The following INTS4 variants were observed in gnomAD, a reference collection of about 807,000 sequenced individuals.
The protein encoded by INTS4 is MSTP093.
In INTS4, 70 loss-of-function variants were observed where a neutral mutation model predicts 119.5. That is an observed-to-expected ratio of 0.59 (90% confidence interval 0.48 to 0.71). The LOEUF (loss-of-function observed/expected upper bound fraction) is 0.71, where lower values mean the gene tolerates loss of function less well. Ranked by LOEUF, INTS4 falls within the 30% of genes least tolerant of loss-of-function variation. The pLI, the probability that INTS4 is intolerant of heterozygous loss-of-function variation, is 0.00. For synonymous variants in INTS4, 316 were observed against 419.6 expected, an observed-to-expected ratio of 0.75 and a Z score of 3.02; for missense variants, 867 against 1,173.2, an observed-to-expected ratio of 0.74 and a Z score of 3.81.
intron 22 of INTS4, 29 bp from the exon 23 acceptor site, chr11:77,879,156 T>C (rs1302888326): frequency 6.2e-7 from 1 of 1,610,876 alleles, no homozygotes; most frequent in Non-Finnish European, 8.5e-7. Flanking sequence ...AAATCCTCTA[T>C]AACTAGGCAA....
intron 1 of INTS4, 22 bp from the exon 2 acceptor site, chr11:77,991,321 GA>G (rs1565297236): frequency 1.3e-6 from 2 of 1,580,132 alleles, no homozygotes; most frequent in Non-Finnish European, 1.7e-6. Flanking sequence ...AGAGAAAATC[GA>G]AAACACAGAA....
chr11:77,877,777 C>T (rs1304622810), downstream of INTS4, among the ~76,000 whole-genome samples: 4 of 151,544 alleles, frequency 2.6e-5, no homozygotes, highest in Non-Finnish European at 5.9e-5. Context: ...GAGATGGGGT[C>T]TCGCTATGTT....
chr11:77,919,869 C>T (rs1447885015), intron 14 of INTS4, among the ~76,000 whole-genome samples: 4 of 152,010 alleles, frequency 2.6e-5, no homozygotes, highest in South Asian at 2.1e-4. Flanking sequence ...AGTGCAGTGG[C>T]GCAATCTTGG....
At chr11:77,986,843 G>T (rs916478670) in intron 2 of INTS4, among the ~76,000 whole-genome samples, 2 of 151,994 alleles carry the variant, frequency 1.3e-5, no homozygotes, top group Non-Finnish European at 2.9e-5. Context: ...GTTGGGGAGT[G>T]GGGGGCTGGG....
intron 10 of INTS4, among the ~76,000 whole-genome samples, chr11:77,933,234 C>T (rs1172113927): frequency 2.7e-5 from 4 of 150,682 alleles, no homozygotes; most frequent in Non-Finnish European, 5.9e-5. Context: ...CCACAGTCTC[C>T]CTCTCCCTCT....
intron 7 of INTS4, among the ~76,000 whole-genome samples, chr11:77,958,257 T>C (rs1315515795): frequency 6.6e-6 from 1 of 151,412 alleles, no homozygotes; most frequent in African/African-American, 2.4e-5. Context: ...AATATAATAT[T>C]CTATCTTACA....
chr11:77,876,569 G>A (rs541193298), downstream of INTS4, among the ~76,000 whole-genome samples: 1 of 152,238 alleles, frequency 6.6e-6, no homozygotes, highest in Non-Finnish European at 1.5e-5. Context: ...TCAGGAGCTT[G>A]TTCAACCTCT....
chr11:77,968,816 C>T (rs1302509472), intron 4 of INTS4, among the ~76,000 whole-genome samples: 4 of 151,422 alleles, frequency 2.6e-5, no homozygotes, highest in Non-Finnish European at 4.4e-5. Flanking sequence ...GAACTGAAAA[C>T]ATATATATAT....
At chr11:77,975,786 T>A (rs1416200708) in intron 4 of INTS4, among the ~76,000 whole-genome samples, 1 of 151,636 alleles carries the variant, frequency 6.6e-6, no homozygotes, top group East Asian at 1.9e-4. Context: ...TGAAACCCCG[T>A]CTCTACTAAA....
At position 77,938,808 on chromosome 11, in the gene INTS4, A is replaced by G. The variant is rs771727193; in HGVS notation, c.1008T>C (p.His336=). Residue 336 remains histidine, a synonymous_variant, in exon 10 of 23, where the codon CAT becomes CAC. Coordinates refer to ENST00000534064, the MANE Select transcript of INTS4 (RefSeq NM_033547.4). ...MSDLRRKRTA[H]ERAKELYSSG... ...AACTGTAAAGTTCCTTGGCACGCTC[A>G]TGTGCAGTACGTTTCCTCTGCAGAG... 1 of 1,611,924 alleles carries G rather than the reference A, an allele frequency of 6.2e-7. No individual in the cohort carries two copies. The highest frequency in any genetic ancestry group is 8.5e-7 in the Non-Finnish European group (1 of 1,179,800).
Position 77,891,825 on chromosome 11 carries a change from A to G in INTS4, c.2304T>C (p.Asp768=). ...CAAAGCTGTCCTGCAAGTGGGGCAA[A>G]TCAGCGATGAAATACCTGGAGGAAC... ...VDFFQRYFIA[D]LPHLQDSFVD... The change falls in exon 20 of 23, where the codon GAT becomes GAC. Residue 768 remains aspartate, a synonymous_variant. Transcript: ENST00000534064. 1 of 1,611,528 alleles carries G rather than the reference A, an allele frequency of 6.2e-7. No homozygotes were observed. The highest frequency in any genetic ancestry group is 8.5e-7 in the Non-Finnish European group (1 of 1,179,510).
intron 11 of INTS4, among the ~76,000 whole-genome samples, chr11:77,925,766 T>C (rs1456808949): frequency 6.6e-6 from 1 of 152,248 alleles, no homozygotes; most frequent in Non-Finnish European, 1.5e-5. Flanking sequence ...TTCTACTTTC[T>C]CACTGTGGTT....
rs111851630 is a variant in INTS4 at position 77,933,514 on chromosome 11, G to A, written c.1166-4967C>T. On this transcript the variant is annotated intron_variant, in intron 10 of 22. Coordinates refer to ENST00000534064, the MANE Select transcript of INTS4 (RefSeq NM_033547.4). ...GTGCTGGGATTGCAGACGGAGTCTC[G>A]CTAATTCAGTGCTCAATGTTGCCCA... Among the ~76,000 whole-genome samples the A allele has an allele frequency of 5.8e-3, 884 of 152,294 alleles. 9 individuals are homozygous for A. Among genetic ancestry groups the A allele is most frequent in the African/African-American group, 0.02 (835 of 41,550 alleles).
At position 77,994,663 on chromosome 11, in the gene INTS4, CA is replaced by C. The variant is rs745324213; in HGVS notation, c.-21del. The C allele has an allele frequency of 3.1e-6, 5 of 1,613,996 alleles. No homozygotes were observed. Among genetic ancestry groups the C allele is most frequent in the Non-Finnish European group, 3.4e-6 (4 of 1,179,980 alleles). On this transcript the variant is annotated 5_prime_UTR_variant, in exon 1 of 23. Coordinates refer to ENST00000534064, the MANE Select transcript of INTS4 (RefSeq NM_033547.4). ...CGCCATGCCTACCCGCGGGCCCTCT[CA>C]GCTTCCGTACACTAGGAGGGAGGCG... is the stretch of plus-strand genomic sequence containing the variant.
At chr11:77,987,702 CAA>C in intron 2 of INTS4, 1 of 438,640 alleles carries the variant, frequency 2.3e-6, no homozygotes, top group Non-Finnish European at 4.6e-6. Context: ...TCCATCTCTA[CAA>C]AAAAAATTAA....
intron 8 of INTS4, among the ~76,000 whole-genome samples, chr11:77,955,343 A>G (rs1954292332): frequency 1.3e-5 from 2 of 152,188 alleles, no homozygotes; most frequent in East Asian, 3.8e-4. Context: ...TCTCAAGAAA[A>G]GAAAAAGGAA....
rs534004151 is a variant in INTS4 at position 77,938,962 on chromosome 11, C to T, written c.991-137G>A. ...TTGTAAAAATTATCAGTAGTTCATA[C>T]AAGAGAAATGCAAATTCAACTTAAA... On this transcript the variant is annotated intron_variant, in intron 9 of 22. Coordinates refer to ENST00000534064, the MANE Select transcript of INTS4 (RefSeq NM_033547.4). 9.0e-5 allele frequency: 56 copies of T among 623,080 alleles called. No homozygotes were observed. The South Asian group carries it at 1.3e-3, about 15-fold the overall frequency. 38.6% of individuals were successfully genotyped at this position (623,080 alleles called of 1,614,324 possible). A position where few individuals can be genotyped will look rare whatever the true frequency, so the allele number is the denominator to read the frequency against.
At chr11:77,893,205 C>T (rs546921138) in intron 19 of INTS4, among the ~76,000 whole-genome samples, 4 of 152,298 alleles carry the variant, frequency 2.6e-5, no homozygotes, top group East Asian at 3.9e-4. Flanking sequence ...TGTGCTTTAA[C>T]GGATTCATTC....
intron 21 of INTS4, among the ~76,000 whole-genome samples, chr11:77,886,051 T>A (rs1197480963): frequency 1.3e-5 from 2 of 151,176 alleles, no homozygotes; most frequent in African/African-American, 2.4e-5. Flanking sequence ...ACAAAAAAAA[T>A]TAAAATTAGC....
Sources: gnomAD v4.1 joint callset for allele counts (sites outside exome capture counted in the v4.1 genomes callset) on GRCh38, gnomAD v4.1.1 for gene constraint, MANE v1.5 for transcripts, NCBI Gene and HGNC (gene_info 2026-07-23, HGNC 2026-07-21) for gene names.